The following CDH17 variants were observed in gnomAD, a reference collection of about 807,000 sequenced individuals.
CDH17 encodes the protein cadherin 17.
A neutral mutation model predicts 86.3 loss-of-function variants in CDH17; 67 were observed. The ratio of observed to expected loss-of-function variants is 0.78; its 90% CI spans 0.64 to 0.95. CDH17 has a LOEUF of 0.95. CDH17 is among the 40% of genes least tolerant of loss of function. The probability of loss-of-function intolerance (pLI) is 0.00; values close to 1 mark genes in which losing one functional copy is unlikely to be tolerated. For missense variants in CDH17, 993 were observed against 1,017.6 expected, an observed-to-expected ratio of 0.98 and a Z score of 0.33; for synonymous variants, 367 against 366.4, an observed-to-expected ratio of 1.00 and a Z score of -0.02.
intron 15 of CDH17, among the ~76,000 whole-genome samples, chr8:94,132,906 C>T (rs985996898): frequency 1.3e-5 from 2 of 152,208 alleles, no homozygotes; most frequent in South Asian, 2.1e-4. Context: ...TTTCCCAGCA[C>T]CATTTATTAA....
chr8:94,216,099 T>C (rs774475855), intron 1 of CDH17, among the ~76,000 whole-genome samples: 4 of 152,148 alleles, frequency 2.6e-5, no homozygotes, highest in Non-Finnish European at 4.4e-5. Context: ...ACTATTTTCT[T>C]TCTACATGAC....
At chr8:94,133,341 G>C (rs892639813) in intron 15 of CDH17, among the ~76,000 whole-genome samples, 7 of 152,142 alleles carry the variant, frequency 4.6e-5, no homozygotes, top group African/African-American at 1.7e-4. Context: ...TTACTTCGTT[G>C]AGCAGTGGTT....
At position 94,170,493 on chromosome 8, in the gene CDH17, G is replaced by T. The variant is rs749348205; in HGVS notation, c.970C>A (p.Leu324Met). 1 of 1,613,748 alleles carries T rather than the reference G, an allele frequency of 6.2e-7. No individual in the cohort carries two copies. The highest frequency in any genetic ancestry group is 1.3e-5 in the African/African-American group (1 of 74,896). ...TCTTTAACTTTTACATGAATTTCCA[G>T]CGGATATGAAAGTGGTTTTCCGTAC... ...DEYGKPLSYP[L>M]EIHVKVKDIN... is the part of the protein sequence containing the mutation. Residue 324 changes from leucine to methionine, a missense_variant, in exon 9 of 18, where the codon CTG becomes ATG. Physicochemically the swap from Leu to Met is conservative, Grantham distance 15. Coordinates refer to ENST00000027335, the MANE Select transcript of CDH17 (RefSeq NM_004063.4).
At chr8:94,179,278 C>G (rs868687920) in intron 3 of CDH17, among the ~76,000 whole-genome samples, 2 of 152,136 alleles carry the variant, frequency 1.3e-5, no homozygotes, top group African/African-American at 4.8e-5. Flanking sequence ...TTCATTTGAC[C>G]GGACTCAGAA....
At chr8:94,131,044 C>G in intron 15 of CDH17, 52 bp from the exon 16 acceptor site, 3 of 955,810 alleles carry the variant, frequency 3.1e-6, no homozygotes, top group Non-Finnish European at 5.0e-6. Context: ...CCTGGATTAG[C>G]AGGAATAAAG....
chr8:94,128,214 A>G lies in CDH17; in HGVS notation c.*26T>C. Reference sequence around the variant, plus strand: ...TTGTTGCTGAAATAGCACTTGCTATATAAATTCAAACATTCCTTTTCAAAT... The same window carrying G: ...TTGTTGCTGAAATAGCACTTGCTATGTAAATTCAAACATTCCTTTTCAAAT... On this transcript the variant is annotated 3_prime_UTR_variant, in exon 18 of 18. Transcript: ENST00000027335. The G allele has an allele frequency of 2.8e-6, 4 of 1,453,832 alleles. No homozygotes were observed. The highest frequency in any genetic ancestry group is 1.4e-5 in the African/African-American group (1 of 71,940). The allele number at this position is 1,453,832 out of a possible 1,614,324, so 90.1% of individuals were successfully genotyped here. A position where few individuals can be genotyped will look rare whatever the true frequency, so the allele number is the denominator to read the frequency against.
intron 3 of CDH17, among the ~76,000 whole-genome samples, chr8:94,178,187 T>C (rs1238651666): frequency 2.0e-5 from 3 of 152,180 alleles, no homozygotes; most frequent in Non-Finnish European, 4.4e-5. Context: ...AATCTATTAC[T>C]TTTTCAGAAG....
chr8:94,166,900 G>A (rs34093463), intron 9 of CDH17, among the ~76,000 whole-genome samples: 4,142 of 152,256 alleles, frequency 0.027, 80 homozygotes, highest in Non-Finnish European at 0.043. Context: ...TGGAGGGAAC[G>A]CTGCCCTGCA....
In CDH17 at chr8:94,127,803, A is replaced by G. The variant is rs1015567262; in HGVS notation, c.*437T>C. On this transcript the variant is annotated 3_prime_UTR_variant, in exon 18 of 18. Transcript: ENST00000027335. Reference sequence around the variant, plus strand: ...AATGAAAAATCTCTCTAATGTCTATAGCACATGAAATATCTAAGTAGGTGG... The same window carrying G: ...AATGAAAAATCTCTCTAATGTCTATGGCACATGAAATATCTAAGTAGGTGG... 1 of 161,726 alleles carries G rather than the reference A, an allele frequency of 6.2e-6. No homozygotes were observed. The highest frequency in any genetic ancestry group is 1.3e-5 in the Non-Finnish European group (1 of 74,116). 10.0% of individuals were successfully genotyped at this position (161,726 alleles called of 1,614,324 possible). A position where few individuals can be genotyped will look rare whatever the true frequency, so the allele number is the denominator to read the frequency against.
intron 3 of CDH17, among the ~76,000 whole-genome samples, chr8:94,178,363 T>C (rs1813414377): frequency 6.6e-6 from 1 of 152,104 alleles, no homozygotes. Flanking sequence ...TCAAAGTTAG[T>C]ATGGATATAA....
At position 94,131,047 on chromosome 8, in the gene CDH17, G is replaced by A. The variant is rs1812406749; in HGVS notation, c.2168-55C>T. ...ACAACTTCAGACCCTGGATTAGCAG[G>A]AATAAAGCTCATTTTGTATCACATA... On this transcript the variant is annotated intron_variant, in intron 15 of 17. Transcript: ENST00000027335. 6 of 918,766 alleles carry A rather than the reference G, an allele frequency of 6.5e-6. No homozygotes were observed. In the East Asian group the frequency reaches 1.4e-4, roughly 22 times the overall value. The allele number at this position is 918,766 out of a possible 1,614,324, so 56.9% of individuals were successfully genotyped here.
At chr8:94,159,147 C>T (rs946055236) in intron 12 of CDH17, among the ~76,000 whole-genome samples, 1 of 152,132 alleles carries the variant, frequency 6.6e-6, no homozygotes, top group Non-Finnish European at 1.5e-5. Context: ...GCTCTAAACA[C>T]AGATGAGGCA....
intron 4 of CDH17, among the ~76,000 whole-genome samples, chr8:94,177,038 G>C (rs1036030430): frequency 2.0e-5 from 3 of 152,218 alleles, no homozygotes; most frequent in African/African-American, 7.2e-5. Context: ...AGAAGTACCA[G>C]ACAGAAAGCT....
At chr8:94,173,479 A>G (rs1029956663) in intron 7 of CDH17, among the ~76,000 whole-genome samples, 6 of 152,146 alleles carry the variant, frequency 3.9e-5, no homozygotes, top group Admixed American at 2.0e-4. Flanking sequence ...CCCTCAACAG[A>G]AGCAGATGCT....
At chr8:94,150,560 T>C (rs1389894277) in intron 13 of CDH17, among the ~76,000 whole-genome samples, 1 of 152,192 alleles carries the variant, frequency 6.6e-6, no homozygotes, top group Non-Finnish European at 1.5e-5. Flanking sequence ...TATTGATTAT[T>C]CCTTACTCCT....
At chr8:94,208,658 C>G (rs762852733), upstream of CDH17, 14 of 152,122 alleles carry the variant, frequency 9.2e-5, no homozygotes, top group African/African-American at 3.4e-4. Context: ...TATTGCTCTT[C>G]GAGAGCCACT....
Position 94,173,995 on chromosome 8 carries a change from TC to T in CDH17, c.584del (p.Gly195AspfsTer5), listed in dbSNP as rs1813320317. 1.2e-6 allele frequency: 2 copies of T among 1,613,488 alleles called. No individual in the cohort carries two copies. Among genetic ancestry groups the T allele is most frequent in the African/African-American group, 2.7e-5 (2 of 75,012 alleles). On this transcript the variant is annotated frameshift_variant and splice_region_variant, in exon 7 of 18. Coordinates refer to ENST00000027335, the MANE Select transcript of CDH17 (RefSeq NM_004063.4). LOFTEE classifies it high-confidence loss of function. ...KTGAISLTRE[G>X]SQELNPAKNP... is the part of the protein sequence containing the mutation. ...TCTTAGCAGGATTCAATTCCTGAGA[TC>T]CTGTGAGAAGTAGGGGAGAAGGGAA...
rs535963510 is a variant in CDH17 at position 94,127,927 on chromosome 8, T to C, written c.*313A>G. 5.3e-4 allele frequency: 144 copies of C among 271,028 alleles called. No individual in the cohort carries two copies. Among genetic ancestry groups the C allele is most frequent in the Non-Finnish European group, 7.1e-4 (100 of 141,312 alleles). The allele number at this position is 271,028 out of a possible 1,614,324, so 16.8% of individuals were successfully genotyped here. A position where few individuals can be genotyped will look rare whatever the true frequency, so the allele number is the denominator to read the frequency against. Reference sequence around the variant, plus strand: ...TGGCCAAATGGCGAAACCCCGTCTCTATTAAAAATACAAAAATTAGCTGGG... The same window carrying C: ...TGGCCAAATGGCGAAACCCCGTCTCCATTAAAAATACAAAAATTAGCTGGG... On this transcript the variant is annotated 3_prime_UTR_variant, in exon 18 of 18. Coordinates refer to ENST00000027335, the MANE Select transcript of CDH17 (RefSeq NM_004063.4).
At chr8:94,139,565 C>T (rs1452995984) in intron 15 of CDH17, among the ~76,000 whole-genome samples, 1 of 152,048 alleles carries the variant, frequency 6.6e-6, no homozygotes, top group East Asian at 1.9e-4. Context: ...CTTAAAAGCA[C>T]CCAGAGAAAA....
Sources: gnomAD v4.1 joint callset for allele counts (sites outside exome capture counted in the v4.1 genomes callset) on GRCh38, gnomAD v4.1.1 for gene constraint, MANE v1.5 for transcripts, NCBI Gene and HGNC (gene_info 2026-07-23, HGNC 2026-07-21) for gene names.